The following SP140 variants were observed in gnomAD, a reference collection of about 807,000 sequenced individuals.
SP140 encodes SP140 nuclear body protein.
A neutral mutation model predicts 125.0 loss-of-function variants in SP140; 81 were observed. The ratio of observed to expected loss-of-function variants is 0.65; its 90% confidence interval spans 0.54 to 0.78. The LOEUF is 0.78. Among genes scored for constraint, SP140 ranks in the 30% least tolerant of loss-of-function variants. The probability of loss-of-function intolerance (pLI) is 0.00; values close to 1 mark genes in which losing one functional copy is unlikely to be tolerated. For synonymous variants in SP140, 312 were observed against 354.0 expected (o/e 0.88, Z 1.33); for missense variants, 858 against 1,037.0 (o/e 0.83, Z 2.37).
Position 230,255,494 on chromosome 2 carries a change from G to C in SP140, c.1202G>C (p.Arg401Pro), listed in dbSNP as rs138339396. The C allele has an allele frequency of 4.5e-3, 7,321 of 1,613,300 alleles. 63 individuals carry two copies. Among genetic ancestry groups the C allele is most frequent in the African/African-American group, 0.032 (2,395 of 74,958 alleles). Residue 401 changes from arginine to proline, a missense_variant, in exon 12 of 27, where the codon CGC becomes CCC. By Grantham distance (103) the Arg-to-Pro change is moderately radical (BLOSUM62 -2). Around this residue, in one of 4 missense-constraint regions of SP140, gnomAD observed 791 missense variants for 869.5 expected, o/e 0.91. Transcript: ENST00000392045. The stretch of plus-strand genomic sequence containing the variant: ...TCGGAAATGTGTGATGGAGAAGAGC[G>C]CCAGGAAGCCTCTAGCTCCCTAGCA... ...DCSEMCDGEE[R>P]QEASSSLARR...
At chr2:230,297,996 A>G (rs1037123972) in intron 22 of SP140, among the ~76,000 whole-genome samples, 1 of 152,338 alleles carries the variant, frequency 6.6e-6, no homozygotes, top group East Asian at 1.9e-4. Context: ...CATACAAGGC[A>G]AGGGGTCCTT....
intron 1 of SP140, among the ~76,000 whole-genome samples, chr2:230,236,512 T>C (rs1349000850): frequency 6.6e-6 from 1 of 152,226 alleles, no homozygotes; most frequent in Non-Finnish European, 1.5e-5. Flanking sequence ...AGTGTGGGCC[T>C]GCTGTTTGGA....
At chr2:230,254,584 A>C (rs1010667976) in intron 11 of SP140, among the ~76,000 whole-genome samples, 2 of 152,190 alleles carry the variant, frequency 1.3e-5, no homozygotes, top group African/African-American at 4.8e-5. Context: ...CTGAACTTAG[A>C]AACTCCTCTT....
At position 230,291,944 on chromosome 2, in the gene SP140, C is replaced by T. The variant is rs144380652; in HGVS notation, c.1826-702C>T. Among the ~76,000 whole-genome samples the T allele has an allele frequency of 4.0e-3, 610 of 152,272 alleles. 5 individuals are homozygous for T. The highest frequency in any genetic ancestry group is 4.0e-3 in the Non-Finnish European group (272 of 68,020). ...ATCGTCTGTCTGTCTTTTTTTATTA[C>T]AGTCATACTGTCATCCTAGTGGGTA... On this transcript the variant is annotated intron_variant, in intron 19 of 26. Transcript: ENST00000392045.
downstream of SP140, among the ~76,000 whole-genome samples, chr2:230,314,963 A>G (rs1271338867): frequency 6.6e-6 from 1 of 152,252 alleles, no homozygotes; most frequent in Non-Finnish European, 1.5e-5. Context: ...GGCAAGATAA[A>G]GTAATTTCCC....
chr2:230,280,357 C>T (rs188773144), intron 15 of SP140, among the ~76,000 whole-genome samples: 6 of 152,172 alleles, frequency 3.9e-5, no homozygotes, highest in South Asian at 2.1e-4. Flanking sequence ...AAATATTTTC[C>T]ACTCACTTTA....
Position 230,290,574 on chromosome 2 carries a change from A to C in SP140, c.1825+10A>C. The stretch of plus-strand genomic sequence containing the variant: ...AAGAAATTGCAGCAAGGTAGGTTTT[A>C]TGGTCTTCTTTAATTTGCAGCTCCT... On this transcript the variant is annotated intron_variant, in intron 19 of 26. Transcript: ENST00000392045. 1 of 1,599,376 alleles carries C rather than the reference A, an allele frequency of 6.3e-7. No individual in the cohort carries two copies. Among genetic ancestry groups the C allele is most frequent in the Non-Finnish European group, 8.6e-7 (1 of 1,168,386 alleles).
intron 9 of SP140, among the ~76,000 whole-genome samples, chr2:230,249,234 C>G (rs3813468): frequency 0.24 from 36,348 of 152,026 alleles, 4,587 homozygotes; most frequent in Non-Finnish European, 0.27. Flanking sequence ...GCTGGGGCGC[C>G]AGAGAAGTGC....
At chr2:230,218,587 C>T (rs556264354) in intron 3 of SP140, among the ~76,000 whole-genome samples, 1 of 152,262 alleles carries the variant, frequency 6.6e-6, no homozygotes, top group African/African-American at 2.4e-5. Context: ...ATTCATTATA[C>T]AGCAGCGCTC....
At chr2:230,209,136 A>G (rs1450531060) in intron 1 of SP140, among the ~76,000 whole-genome samples, 1 of 152,070 alleles carries the variant, frequency 6.6e-6, no homozygotes. Context: ...ATAAAAGGAG[A>G]AAAGCTCAAG....
At chr2:230,241,274 G>T (rs1292532461) in intron 3 of SP140, 130 bp from the exon 4 acceptor site, 8 of 662,408 alleles carry the variant, frequency 1.2e-5, no homozygotes, top group Non-Finnish European at 2.2e-5. Flanking sequence ...GAAAAAAAGG[G>T]GAACAAGGCT....
chr2:230,228,835 T>G (rs2046833905), intron 1 of SP140, among the ~76,000 whole-genome samples: 1 of 152,330 alleles, frequency 6.6e-6, no homozygotes, highest in East Asian at 1.9e-4. Context: ...TTTGTGTTTT[T>G]TATGTACTCT....
chr2:230,221,282 A>AG, upstream of SP140, among the ~76,000 whole-genome samples: 1 of 138,284 alleles, frequency 7.2e-6, no homozygotes, highest in Non-Finnish European at 1.6e-5. Flanking sequence ...CTCCATCTCG[A>AG]AAAAAAAAAA....
intron 1 of SP140, among the ~76,000 whole-genome samples, chr2:230,209,052 A>AACAAC (rs2044181680): frequency 2.0e-5 from 3 of 152,212 alleles, no homozygotes; most frequent in African/African-American, 7.2e-5. Flanking sequence ...TAAGCACAGA[A>AACAAC]AAATATATTT....
At chr2:230,298,283 C>A (rs1559910) in intron 22 of SP140, among the ~76,000 whole-genome samples, 120,434 of 152,134 alleles carry the variant, frequency 0.79, 48,455 homozygotes, top group African/African-American at 0.91. Context: ...TGTTTTAGGC[C>A]GGGTCACCTT....
Position 230,232,390 on chromosome 2 carries a change from T to A in SP140, c.60-4693T>A, listed in dbSNP as rs192317814. Among the ~76,000 whole-genome samples the A allele has an allele frequency of 2.7e-3, 412 of 152,314 alleles. 4 individuals are homozygous for A. The highest frequency in any genetic ancestry group is 9.0e-3 in the African/African-American group (372 of 41,558). On this transcript the variant is annotated intron_variant, in intron 1 of 26. Coordinates refer to ENST00000392045, the MANE Select transcript of SP140 (RefSeq NM_007237.5). The stretch of plus-strand genomic sequence containing the variant: ...CTGGATTTGCCTGTATCTCCAGATT[T>A]TGGGGCAGTTTGCCTTGTGACTTTG...
At chr2:230,258,648 C>T (rs973559095) in intron 12 of SP140, among the ~76,000 whole-genome samples, 5 of 152,184 alleles carry the variant, frequency 3.3e-5, no homozygotes. Context: ...TTGTTGATCA[C>T]TGAAAATGTC....
rs574782213 is a variant in SP140, at chr2:230,297,331, C to T, written c.2017-90C>T. On this transcript the variant is annotated intron_variant, in intron 21 of 26. Coordinates refer to ENST00000392045, the MANE Select transcript of SP140 (RefSeq NM_007237.5). The stretch of plus-strand genomic sequence containing the variant: ...TTTTTTAACAACTGGTTCCTGAATC[C>T]CTTCAAAGAATACTATTTAAATTTA... 8.3e-6 allele frequency: 12 copies of T among 1,441,006 alleles called. No individual in the cohort carries two copies. In the East Asian group the frequency reaches 2.4e-4, roughly 29 times the overall value. 89.3% of individuals were successfully genotyped at this position (1,441,006 alleles called of 1,614,324 possible).
chr2:230,275,899 T>C (rs2054642223), intron 15 of SP140, among the ~76,000 whole-genome samples: 1 of 152,152 alleles, frequency 6.6e-6, no homozygotes, highest in East Asian at 1.9e-4. Context: ...AGCCACAACA[T>C]TCCCTTAAGC....
Sources: gnomAD v4.1 joint callset for allele counts (sites outside exome capture counted in the v4.1 genomes callset) on GRCh38, gnomAD v4.1.1 for gene constraint, gnomAD v4.1.1 regional missense constraint, MANE v1.5 for transcripts, NCBI Gene and HGNC (gene_info 2026-07-23, HGNC 2026-07-21) for gene names.